The following MYH3 variants were observed in gnomAD, a reference collection of about 807,000 sequenced individuals.
The protein encoded by MYH3 is myosin-3.
MYH3 carries 130 observed loss-of-function variants against 238.0 expected under a neutral mutation model. The ratio of observed to expected loss-of-function variants is 0.55; its 90% CI spans 0.47 to 0.63. The LOEUF (loss-of-function observed/expected upper bound fraction) is 0.63, where lower values mean the gene tolerates loss of function less well. Among genes scored for constraint, MYH3 ranks in the 30% least tolerant of loss-of-function variants. The pLI is 0.00. For missense variants in MYH3, 1,853 were observed against 2,374.9 expected (o/e 0.78, Z 4.57); for synonymous variants, 880 against 924.1 (o/e 0.95, Z 0.86).
intron 28 of MYH3, among the ~76,000 whole-genome samples, chr17:10,637,473 C>T (rs1308616457): frequency 6.6e-6 from 1 of 152,082 alleles, no homozygotes; most frequent in African/African-American, 2.4e-5. Flanking sequence ...GTATCAAGGC[C>T]CTGGCTCTTA....
At position 10,631,985 on chromosome 17, in the gene MYH3, C is replaced by T. The variant is rs770789998; in HGVS notation, c.4988G>A (p.Arg1663Gln). 5 of 1,613,608 alleles carry T rather than the reference C, an allele frequency of 3.1e-6. No individual in the cohort carries two copies. The highest frequency in any genetic ancestry group is 3.3e-5 in the Admixed American group (2 of 60,004). The change falls in exon 35 of 41, where the codon CGG (arginine) becomes CAG (glutamine). Residue 1663 changes from arginine (R) to glutamine (Q), a missense_variant. This residue lies in a region of MYH3 where 1,044 missense variants were observed against 1,192.6 expected (regional missense o/e 0.88). Transcript: ENST00000583535. ...CTGCTCCTTCAGGTCCTCCTGGCCC[C>T]GGAGGGCATCATCCAGGTGGAGCTG... The part of the protein sequence containing the change: ...DTQLHLDDAL[R>Q]GQEDLKEQLA...
the MYH3 span, chr17:10,674,026 C>G: frequency 6.6e-6 from 1 of 152,174 alleles, no homozygotes; most frequent in African/African-American, 2.4e-5. Flanking sequence ...TTGACTTTTT[C>G]CCCTTCCCTA....
chr17:10,640,068 T>C lies in MYH3; in HGVS notation c.2610A>G (p.Lys870=), dbSNP rs56163389. 0.042 allele frequency: 67,013 copies of C among 1,614,096 alleles called. 1,895 individuals carry two copies. Among genetic ancestry groups the C allele is most frequent in the African/African-American group, 0.13 (9,687 of 74,974 alleles). Residue 870 remains lysine, a synonymous_variant, in exon 22 of 41, where the codon AAA becomes AAG. Coordinates refer to ENST00000583535, the MANE Select transcript of MYH3 (RefSeq NM_002470.4). ...TKDELAKSEA[K]RKELEEKLVT... ...CCAGTTTTTCCTCTAGCTCCTTCCT[T>C]TTTGCCTCCGACTTGGCGAGTTCAT...
the MYH3 span, among the ~76,000 whole-genome samples, chr17:10,664,057 C>G: frequency 1.5e-3 from 152 of 104,002 alleles, 2 homozygotes; most frequent in African/African-American, 6.7e-3. Context: ...AGTGAGACTC[C>G]GTCTTAAAAA....
chr17:10,667,742 G>A, the MYH3 span, among the ~76,000 whole-genome samples: 2 of 150,942 alleles, frequency 1.3e-5, no homozygotes, highest in Non-Finnish European at 2.9e-5. Context: ...TAATTTCCAG[G>A]ATATAGCGTT....
chr17:10,635,215 T>G, intron 30 of MYH3, 152 bp downstream of exon 30: 1 of 1,401,008 alleles, frequency 7.1e-7, no homozygotes, highest in Non-Finnish European at 9.8e-7. Context: ...ATCAAAGCTG[T>G]TTGTTTTAAT....
chr17:10,639,168 C>T lies in MYH3; in HGVS notation c.3124G>A (p.Glu1042Lys). The T allele has an allele frequency of 6.2e-7, 1 of 1,614,102 alleles. No individual in the cohort carries two copies. Among genetic ancestry groups the T allele is most frequent in the Non-Finnish European group, 8.5e-7 (1 of 1,179,978 alleles). Residue 1042 changes from glutamate (E) to lysine (K), a missense_variant, in exon 25 of 41, where the codon GAA becomes AAA. Physicochemically the swap from Glu to Lys is moderately conservative, Grantham distance 56. This residue lies in a region of MYH3 where 1,044 missense variants were observed against 1,192.6 expected (regional missense o/e 0.88). Coordinates refer to ENST00000583535, the MANE Select transcript of MYH3 (RefSeq NM_002470.4). ...VEDLESSLEQ[E>K]KKLRVDLERN... The stretch of plus-strand genomic sequence containing the variant: ...TCCAGGTCTACTCGGAGCTTCTTTT[C>T]TTGTTCTAGGGAGCTTTCCAGCTGA...
rs148165197 is a variant in MYH3 at position 10,643,143 on chromosome 17, C to T, written c.1411-147G>A. ...ACAATCTTCAAGGCCTGCCTCAGAC[C>T]GCATCTCCTCCTTGGCGTCTTCTGT... On this transcript the variant is annotated intron_variant, in intron 14 of 40. Transcript: ENST00000583535. 1.6e-3 allele frequency: 2,289 copies of T among 1,440,990 alleles called. 10 individuals carry two copies. The highest frequency in any genetic ancestry group is 0.014 in the African/African-American group (1,004 of 70,688). 89.3% of individuals were successfully genotyped at this position (1,440,990 alleles called of 1,614,324 possible).
rs150867292 is a variant in MYH3, at chr17:10,632,675, T to C, written c.4757A>G (p.Gln1586Arg). Residue 1586 changes from glutamine to arginine, a missense_variant, in exon 34 of 41, where the codon CAG (glutamine) becomes CGG (arginine). This residue lies in a region of MYH3 where 1,044 missense variants were observed against 1,192.6 expected (regional missense o/e 0.88). Coordinates refer to ENST00000583535, the MANE Select transcript of MYH3 (RefSeq NM_002470.4). ...TGTTCTCTGGTAGTTCCTCTTCAGCTGCTCGATCTCTTCATCCTTCTCGGC... is the reference window on the plus strand; with the variant it reads ...TGTTCTCTGGTAGTTCCTCTTCAGCCGCTCGATCTCTTCATCCTTCTCGGC... ...KIAEKDEEIEQLKRNYQRTVE... is the reference protein window; with the variant it reads ...KIAEKDEEIERLKRNYQRTVE... The C allele has an allele frequency of 1.9e-6, 3 of 1,614,098 alleles. No individual in the cohort carries two copies. In the African/African-American group the frequency reaches 4.0e-5, roughly 22 times the overall value.
chr17:10,628,780 T>A, intron 40 of MYH3, 101 bp from the exon 41 acceptor site: 1 of 1,258,766 alleles, frequency 7.9e-7, no homozygotes, highest in Non-Finnish European at 1.2e-6. Flanking sequence ...CCTACTTCAG[T>A]GGGACACAGG....
At chr17:10,669,941 C>A in the MYH3 span, among the ~76,000 whole-genome samples, 1 of 152,022 alleles carries the variant, frequency 6.6e-6, no homozygotes, top group Non-Finnish European at 1.5e-5. Flanking sequence ...AATAAAAAAT[C>A]ATCTTCAGCT....
In MYH3 at chr17:10,635,425, A is replaced by T. The variant is rs1158384514; in HGVS notation, c.4114T>A (p.Trp1372Arg). 6.2e-7 allele frequency: 1 copy of T among 1,613,934 alleles called. No homozygotes were observed. Among genetic ancestry groups the T allele is most frequent in the Admixed American group, 1.7e-5 (1 of 60,004 alleles). Residue 1372 changes from tryptophan to arginine, a missense_variant, in exon 30 of 41, where the codon TGG becomes AGG. Around this residue, in one of 3 missense-constraint regions of MYH3, gnomAD observed 1,044 missense variants for 1,192.6 expected, o/e 0.88. Coordinates refer to ENST00000583535, the MANE Select transcript of MYH3 (RefSeq NM_002470.4). ...GCGTCCGTCTCGTATTTGGTTCTCC[A>T]CTGGGCAACCTCACTATTGGCCTTG... is the stretch of plus-strand genomic sequence containing the variant. ...LSKANSEVAQWRTKYETDAIQ... is the reference protein window; with the variant it reads ...LSKANSEVAQRRTKYETDAIQ...
At chr17:10,664,062 T>G in the MYH3 span, among the ~76,000 whole-genome samples, 2 of 63,342 alleles carry the variant, frequency 3.2e-5, no homozygotes, top group Admixed American at 1.8e-4. Context: ...GACTCCGTCT[T>G]AAAAAAAAAA....
At position 10,642,883 on chromosome 17, in the gene MYH3, C is replaced by G. The variant is rs1421214615; in HGVS notation, c.1524G>C (p.Glu508Asp). The change falls in exon 15 of 41, where the codon GAG becomes GAC. Residue 508 changes from glutamate to aspartate, a missense_variant. Around this residue, in one of 3 missense-constraint regions of MYH3, gnomAD observed 678 missense variants for 1,058.9 expected, o/e 0.64. Coordinates refer to ENST00000583535, the MANE Select transcript of MYH3 (RefSeq NM_002470.4). This position sits in a 1 kb window ranked among gnomAD's most constrained non-coding sequence, Gnocchi z 5.4. ...CCATCCCGAAGTCAATGAACGTCCA[C>G]TCGATGCCTTCCTTCTTGTACTCCT... ...EQEEYKKEGI[E>D]WTFIDFGMDL... is the part of the protein sequence containing the mutation. 4 of 1,614,222 alleles carry G rather than the reference C, an allele frequency of 2.5e-6. No homozygotes were observed. In the Admixed American group the frequency reaches 6.7e-5, roughly 27 times the overall value.
chr17:10,635,444 G>A lies in MYH3; in HGVS notation c.4095C>T (p.Ala1365=), dbSNP rs1356358164. Residue 1365 remains alanine, a synonymous_variant, in exon 30 of 41, where the codon GCC becomes GCT. Transcript: ENST00000583535. Reference sequence around the variant, plus strand: ...TTCTCCACTGGGCAACCTCACTATTGGCCTTGGACAGCGCCCTCTGCAGCT... The same window carrying A: ...TTCTCCACTGGGCAACCTCACTATTAGCCTTGGACAGCGCCCTCTGCAGCT... ...KAELQRALSK[A]NSEVAQWRTK... is the part of the protein sequence containing the mutation. 1 of 1,614,060 alleles carries A rather than the reference G, an allele frequency of 6.2e-7. No homozygotes were observed.
At chr17:10,664,678 C>A in the MYH3 span, among the ~76,000 whole-genome samples, 8 of 152,080 alleles carry the variant, frequency 5.3e-5, no homozygotes, top group African/African-American at 1.9e-4. Context: ...ACTCAGCTGG[C>A]AAAAAGGAGA....
the MYH3 span, among the ~76,000 whole-genome samples, chr17:10,663,485 A>G: frequency 5.9e-4 from 90 of 152,248 alleles, no homozygotes; most frequent in Non-Finnish European, 1.1e-3. Context: ...ATCCTCAGCA[A>G]GGGGACAGGA....
chr17:10,664,268 A>G, the MYH3 span, among the ~76,000 whole-genome samples: 2 of 152,134 alleles, frequency 1.3e-5, no homozygotes, highest in Non-Finnish European at 2.9e-5. Flanking sequence ...TCTAATGCTC[A>G]TGTAAACTCT....
chr17:10,638,423 C>T lies in MYH3; in HGVS notation c.3349G>A (p.Glu1117Lys). The change falls in exon 27 of 41, where the codon GAG (glutamate) becomes AAG (lysine). Residue 1117 changes from glutamate (E) to lysine (K), a missense_variant. Physicochemically the swap from Glu to Lys is moderately conservative, Grantham distance 56. This residue lies in a region of MYH3 where 1,044 missense variants were observed against 1,192.6 expected (regional missense o/e 0.88). Coordinates refer to ENST00000583535, the MANE Select transcript of MYH3 (RefSeq NM_002470.4). ...KKIKELQARI[E>K]ELEEEIEAER... ...GCCTCTATCTCCTCTTCCAGCTCCT[C>T]AATTCGAGCCTGTGGAGGGCAGCCG... is the stretch of plus-strand genomic sequence containing the variant. 6.3e-7 allele frequency: 1 copy of T among 1,599,972 alleles called. No individual in the cohort carries two copies. The highest frequency in any genetic ancestry group is 2.2e-5 in the East Asian group (1 of 44,834).
Sources: allele counts gnomAD v4.1 joint callset (sites outside exome capture counted in the v4.1 genomes callset), GRCh38; gene constraint gnomAD v4.1.1; regional missense constraint gnomAD v4.1.1; non-coding constraint Gnocchi (gnomAD v3.1); transcripts MANE v1.5; gene names NCBI Gene and HGNC (gene_info 2026-07-23, HGNC 2026-07-21).